Variants in FAM168A observed in about 807,000 individuals in gnomAD.
FAM168A encodes family with sequence similarity 168 member A.
In FAM168A, 3 loss-of-function variants were observed where a neutral mutation model predicts 28.5. The observed-to-expected ratio is 0.11, with a 90% CI of 0.05 to 0.27. The LOEUF is 0.27. Ranked by LOEUF, FAM168A falls within the 10% of genes least tolerant of loss-of-function variation. The probability of loss-of-function intolerance (pLI) is 1.00; values close to 1 mark genes in which losing one functional copy is unlikely to be tolerated. For synonymous variants in FAM168A, 122 were observed against 124.2 expected (o/e 0.98, Z 0.12); for missense variants, 222 against 311.5 (o/e 0.71, Z 2.16).
intron 1 of FAM168A, among the ~76,000 whole-genome samples, chr11:73,485,478 C>A (rs547471514): frequency 6.6e-6 from 1 of 152,110 alleles, no homozygotes; most frequent in Non-Finnish European, 1.5e-5. Context: ...TGAAAGAATA[C>A]GTGAATGAAT....
intron 2 of FAM168A, among the ~76,000 whole-genome samples, chr11:73,445,419 C>CTCTCTCTCTTTT (rs776745757): frequency 5.0e-4 from 25 of 50,456 alleles, no homozygotes; most frequent in African/African-American, 1.6e-3. Flanking sequence ...AAAAATGTCT[C>CTCTCTCTCTTTT]TTTTTTTTTT....
rs1565292048 is a variant in FAM168A at position 73,545,038 on chromosome 11, A to ATAATATATTATATATATATATATT, written c.-19+52884_-19+52885insAATATATATATATATAATATATTA. ...TATATAGTATATATAATATATATATATTTTTTGGAGACAGTCTCCCTCTGT... is the reference window on the plus strand; with the variant it reads ...TATATAGTATATATAATATATATATATAATATATTATATATATATATATTTTTTTTGGAGACAGTCTCCCTCTGT... On this transcript the variant is annotated intron_variant, in intron 1 of 7. Transcript: ENST00000356467. Among the ~76,000 whole-genome samples the ATAATATATTATATATATATATATT allele has an allele frequency of 4.2e-3, 365 of 86,866 alleles. 17 individuals are homozygous for ATAATATATTATATATATATATATT. The highest frequency in any genetic ancestry group is 0.021 in the African/African-American group (339 of 16,516). The allele number at this position is 86,866 out of a possible 152,430, so 57.0% of individuals were successfully genotyped here. A position where few individuals can be genotyped will look rare whatever the true frequency, so the allele number is the denominator to read the frequency against.
At chr11:73,485,330 A>G (rs117932907) in intron 1 of FAM168A, among the ~76,000 whole-genome samples, 1,898 of 152,218 alleles carry the variant, frequency 0.012, 25 homozygotes, top group South Asian at 0.023. Context: ...TCACACACAG[A>G]CCCTGCCATC....
At position 73,536,769 on chromosome 11, in the gene FAM168A, A is replaced by G. The variant is rs1192216988; in HGVS notation, c.-19+61154T>C. On this transcript the variant is annotated intron_variant, in intron 1 of 7. Coordinates refer to ENST00000356467, the MANE Select transcript of FAM168A (RefSeq NM_015159.3). ...TATTCACTTCATAGGGGCAAGAGGT[A>G]CAATAAAAAATAATTTGCTGAGTCC... 2.6e-5 allele frequency among the ~76,000 whole-genome samples: 4 copies of G among 152,216 alleles called. 1 individual carries two copies. Among genetic ancestry groups the G allele is most frequent in the Admixed American group, 2.6e-4 (4 of 15,282 alleles).
At chr11:73,519,954 C>A (rs59199852) in intron 1 of FAM168A, among the ~76,000 whole-genome samples, 12,526 of 151,634 alleles carry the variant, frequency 0.083, 1,569 homozygotes, top group African/African-American at 0.27. Flanking sequence ...TGACTCTGCC[C>A]AGTACATAGA....
chr11:73,588,212 G>A (rs1944338673), intron 1 of FAM168A, among the ~76,000 whole-genome samples: 1 of 152,102 alleles, frequency 6.6e-6, no homozygotes, highest in South Asian at 2.1e-4. Flanking sequence ...ATTCAGACTT[G>A]GATGTTTGGC....
chr11:73,565,567 G>C lies in FAM168A; in HGVS notation c.-19+32356C>G, dbSNP rs139101933. 2.7e-4 allele frequency among the ~76,000 whole-genome samples: 39 copies of C among 145,204 alleles called. No individual in the cohort carries two copies. In the East Asian group the frequency reaches 7.2e-3, roughly 27 times the overall value. On this transcript the variant is annotated intron_variant, in intron 1 of 7. Transcript: ENST00000356467. Reference sequence around the variant, plus strand: ...GGGAAACATTATAATACCTTTCTTGGAGCTACTATAGGAATTAAAACAAGA... The same window carrying C: ...GGGAAACATTATAATACCTTTCTTGCAGCTACTATAGGAATTAAAACAAGA...
rs142236676 is a variant in FAM168A at position 73,464,410 on chromosome 11, T to G, written c.70+3995A>C. Reference sequence around the variant, plus strand: ...AGATTAATTTCCTAGCCTTCTAACCTTGAGAGTTGTATCTTTTGTTACTGT... The same window carrying G: ...AGATTAATTTCCTAGCCTTCTAACCGTGAGAGTTGTATCTTTTGTTACTGT... On this transcript the variant is annotated intron_variant, in intron 2 of 7. Coordinates refer to ENST00000356467, the MANE Select transcript of FAM168A (RefSeq NM_015159.3). 6.6e-5 allele frequency among the ~76,000 whole-genome samples: 10 copies of G among 152,158 alleles called. No homozygotes were observed. In the East Asian group the frequency reaches 1.7e-3, roughly 26 times the overall value.
intron 1 of FAM168A, among the ~76,000 whole-genome samples, chr11:73,484,653 T>C (rs1232494158): frequency 1.4e-5 from 2 of 145,944 alleles, no homozygotes; most frequent in Non-Finnish European, 3.0e-5. Context: ...TCTATCTATC[T>C]ATATATAGAT....
At chr11:73,536,620 G>A (rs1943586228) in intron 1 of FAM168A, among the ~76,000 whole-genome samples, 1 of 152,112 alleles carries the variant, frequency 6.6e-6, no homozygotes, top group African/African-American at 2.4e-5. Context: ...CCAGAAGGTG[G>A]AGGTTGTGGT....
chr11:73,547,910 A>G (rs1235676792), intron 1 of FAM168A, among the ~76,000 whole-genome samples: 1 of 152,078 alleles, frequency 6.6e-6, no homozygotes, highest in African/African-American at 2.4e-5. Flanking sequence ...CTTAAAGAAG[A>G]AGGAAATCCT....
chr11:73,513,039 T>A (rs986676095), intron 1 of FAM168A, among the ~76,000 whole-genome samples: 2 of 152,114 alleles, frequency 1.3e-5, no homozygotes, highest in African/African-American at 4.8e-5. Flanking sequence ...CGTAAAGTAG[T>A]CTGGCAGGGA....
At chr11:73,419,563 A>G (rs902350037) in intron 4 of FAM168A, among the ~76,000 whole-genome samples, 1 of 152,158 alleles carries the variant, frequency 6.6e-6, no homozygotes, top group Admixed American at 6.5e-5. Context: ...AGACCCACAG[A>G]CCTTCAAAAT....
intron 1 of FAM168A, among the ~76,000 whole-genome samples, chr11:73,558,521 A>C (rs1265799676): frequency 6.6e-6 from 1 of 151,650 alleles, no homozygotes; most frequent in Non-Finnish European, 1.5e-5. Flanking sequence ...GAATAAGAAA[A>C]AATATTTGGA....
At chr11:73,502,549 G>A (rs376529254) in intron 1 of FAM168A, among the ~76,000 whole-genome samples, 15 of 152,122 alleles carry the variant, frequency 9.9e-5, no homozygotes, top group South Asian at 2.1e-4. Context: ...ATTTACAGCC[G>A]AATTCTACCA....
chr11:73,521,877 G>A (rs1005520597), intron 1 of FAM168A, among the ~76,000 whole-genome samples: 5 of 152,106 alleles, frequency 3.3e-5, no homozygotes, highest in Non-Finnish European at 7.4e-5. Flanking sequence ...ATGGATGAGT[G>A]ACAAATTATT....
intron 1 of FAM168A, among the ~76,000 whole-genome samples, chr11:73,586,478 A>T (rs567306790): frequency 1.3e-5 from 2 of 152,322 alleles, no homozygotes; most frequent in East Asian, 3.9e-4. Flanking sequence ...ATATGGCCAC[A>T]TACACACAGA....
chr11:73,572,125 T>C (rs1167593588), intron 1 of FAM168A, among the ~76,000 whole-genome samples: 1 of 138,994 alleles, frequency 7.2e-6, no homozygotes, highest in African/African-American at 2.8e-5. Context: ...GTGAGGAGCG[T>C]TTCCGCCCGG....
intron 2 of FAM168A, among the ~76,000 whole-genome samples, chr11:73,437,304 G>C (rs1424749442): frequency 7.3e-5 from 11 of 151,574 alleles, no homozygotes; most frequent in Non-Finnish European, 1.6e-4. Context: ...CATCATGTTG[G>C]CCAAGCTGGT....
Sources: allele counts gnomAD v4.1 joint callset (sites outside exome capture counted in the v4.1 genomes callset), GRCh38; gene constraint gnomAD v4.1.1; transcripts MANE v1.5; gene names NCBI Gene and HGNC (gene_info 2026-07-23, HGNC 2026-07-21).